The following FAM234B variants were observed in gnomAD, a reference collection of about 807,000 sequenced individuals.
The protein encoded by FAM234B is family with sequence similarity 234 member B.
A neutral mutation model predicts 69.3 loss-of-function variants in FAM234B; 33 were observed. That is an observed-to-expected ratio of 0.48 (90% CI 0.36 to 0.64). The LOEUF (loss-of-function observed/expected upper bound fraction) is 0.64. Ranked by LOEUF, FAM234B falls within the 30% of genes least tolerant of loss-of-function variation. The probability of loss-of-function intolerance (pLI) is 0.00; values close to 1 mark genes in which losing one functional copy is unlikely to be tolerated. For missense variants in FAM234B, 697 were observed against 769.7 expected, an observed-to-expected ratio of 0.91 and a Z score of 1.12; for synonymous variants, 306 against 306.9, an observed-to-expected ratio of 1.00 and a Z score of 0.03.
rs747405987 is a variant in FAM234B, at chr12:13,068,615, T to C, written c.1287-15T>C. On this transcript the variant is annotated splice_polypyrimidine_tract_variant and intron_variant, in intron 8 of 12. Coordinates refer to ENST00000197268, the MANE Select transcript of FAM234B (RefSeq NM_020853.2). ...CTTGTTCACTATTGATTGCTTACTT[T>C]GTCCTTATTTGCAGCCAGCCTACTC... The C allele has an allele frequency of 3.7e-6, 6 of 1,605,926 alleles. No homozygotes were observed. The highest frequency in any genetic ancestry group is 4.3e-6 in the Non-Finnish European group (5 of 1,173,572).
Position 13,068,456 on chromosome 12 carries a change from T to C in FAM234B, c.1286+9T>C. The C allele has an allele frequency of 6.2e-7, 1 of 1,613,452 alleles. No homozygotes were observed. Among genetic ancestry groups the C allele is most frequent in the Non-Finnish European group, 8.5e-7 (1 of 1,179,606 alleles). On this transcript the variant is annotated intron_variant, in intron 8 of 12. Transcript: ENST00000197268. ...CTTCAAGGCCTGCGCAGGTTTGCAT[T>C]GTGTTCCTTCTTGTGTTTGCTGTTT...
At position 13,046,297 on chromosome 12, in the gene FAM234B, C is replaced by A. The variant is rs562938094; in HGVS notation, c.37+1857C>A. Among the ~76,000 whole-genome samples the A allele has an allele frequency of 7.9e-5, 12 of 152,276 alleles. No individual in the cohort carries two copies. The South Asian group carries it at 2.5e-3, about 32-fold the overall frequency. ...TTCTTGCCCTTTCTTCTTCCCTCCA[C>A]CCAAAATACTATTTTTAGTTTTTGC... is the stretch of plus-strand genomic sequence containing the variant. On this transcript the variant is annotated intron_variant, in intron 1 of 12. Coordinates refer to ENST00000197268, the MANE Select transcript of FAM234B (RefSeq NM_020853.2).
intron 5 of FAM234B, among the ~76,000 whole-genome samples, chr12:13,064,807 A>T (rs148601119): frequency 0.012 from 1,798 of 152,252 alleles, 9 homozygotes; most frequent in Non-Finnish European, 0.019. Context: ...AGCTCCTGAG[A>T]TGGAAGACTC....
At chr12:13,062,824 A>C in intron 4 of FAM234B, 21 bp from the exon 5 acceptor site, 3 of 1,611,606 alleles carry the variant, frequency 1.9e-6, no homozygotes, top group Non-Finnish European at 2.5e-6. Context: ...CATAGTGACC[A>C]GCCTATGTGT....
At chr12:13,061,292 G>A (rs1219887032) in intron 3 of FAM234B, among the ~76,000 whole-genome samples, 2 of 152,216 alleles carry the variant, frequency 1.3e-5, no homozygotes, top group Non-Finnish European at 2.9e-5. Flanking sequence ...GGCCGAGGTG[G>A]CAGACATGTA....
intron 1 of FAM234B, among the ~76,000 whole-genome samples, chr12:13,046,946 A>G (rs1441741730): frequency 6.6e-6 from 1 of 152,216 alleles, no homozygotes; most frequent in Admixed American, 6.5e-5. Flanking sequence ...ATTCTACTAC[A>G]TATTTACCTC....
At chr12:13,056,530 G>A (rs1416672235) in intron 2 of FAM234B, among the ~76,000 whole-genome samples, 1 of 152,106 alleles carries the variant, frequency 6.6e-6, no homozygotes, top group African/African-American at 2.4e-5. Flanking sequence ...TCTCACCTGT[G>A]TTGAGTAGTC....
chr12:13,051,682 T>C (rs1202496609), intron 1 of FAM234B, among the ~76,000 whole-genome samples: 1 of 152,180 alleles, frequency 6.6e-6, no homozygotes, highest in East Asian at 1.9e-4. Flanking sequence ...CACAGACATA[T>C]CACATTGTGT....
chr12:13,070,096 A>AG (rs1432104114), intron 9 of FAM234B, among the ~76,000 whole-genome samples: 1 of 151,150 alleles, frequency 6.6e-6, no homozygotes, highest in East Asian at 1.9e-4. Flanking sequence ...TTTATAAAAC[A>AG]GGGGTAATAA....
intron 4 of FAM234B, 156 bp from the exon 5 acceptor site, chr12:13,062,689 C>T (rs1591598980): frequency 1.5e-6 from 1 of 655,684 alleles, no homozygotes; most frequent in Non-Finnish European, 2.6e-6. Flanking sequence ...GCTTCCTCCT[C>T]CTCAGTAAGA....
At chr12:13,063,792 G>A (rs1204310998) in intron 5 of FAM234B, among the ~76,000 whole-genome samples, 1 of 152,208 alleles carries the variant, frequency 6.6e-6, no homozygotes, top group Non-Finnish European at 1.5e-5. Flanking sequence ...CTTTTTCTCA[G>A]ACTTCCTAGT....
chr12:13,079,677 C>A, intron 11 of FAM234B, 112 bp from the exon 12 acceptor site: 1 of 705,228 alleles, frequency 1.4e-6, no homozygotes, highest in Non-Finnish European at 2.5e-6. Context: ...GTGCTCAGTA[C>A]ATTTCCTGTA....
intron 5 of FAM234B, among the ~76,000 whole-genome samples, chr12:13,066,139 G>C (rs4763925): frequency 0.24 from 37,111 of 152,102 alleles, 5,585 homozygotes; most frequent in East Asian, 0.53. Context: ...GCTGGCAAAG[G>C]CTAAAATATA....
chr12:13,051,274 G>T (rs904266358), intron 1 of FAM234B, among the ~76,000 whole-genome samples: 2 of 152,176 alleles, frequency 1.3e-5, no homozygotes, highest in Admixed American at 1.3e-4. Flanking sequence ...ATAGTACATA[G>T]CATGATAAAA....
rs1023872155 is a variant in FAM234B at position 13,067,658 on chromosome 12, C to T, written c.1142+362C>T. Among the ~76,000 whole-genome samples the T allele has an allele frequency of 3.3e-5, 5 of 152,170 alleles. No homozygotes were observed. Among genetic ancestry groups the T allele is most frequent in the Non-Finnish European group, 5.9e-5 (4 of 68,020 alleles). ...TTCTGTATTTTTCTCTTAGTTGAAGCATCATTTTGACAGAAGCAAGGATAG... is the reference window on the plus strand; with the variant it reads ...TTCTGTATTTTTCTCTTAGTTGAAGTATCATTTTGACAGAAGCAAGGATAG... On this transcript the variant is annotated intron_variant, in intron 7 of 12. Coordinates refer to ENST00000197268, the MANE Select transcript of FAM234B (RefSeq NM_020853.2). The surrounding 1 kb of genome is among the most constrained non-coding windows in gnomAD (Gnocchi z 4.7).
At chr12:13,065,659 A>G (rs1276097446) in intron 5 of FAM234B, among the ~76,000 whole-genome samples, 2 of 152,146 alleles carry the variant, frequency 1.3e-5, no homozygotes, top group East Asian at 3.9e-4. Context: ...AGTTTGTCAT[A>G]TGCCATATTA....
chr12:13,066,685 G>A lies in FAM234B; in HGVS notation c.898G>A (p.Val300Met), dbSNP rs758809691. Residue 300 changes from valine to methionine, a missense_variant, in exon 6 of 13, where the codon GTG becomes ATG. Physicochemically the swap from Val to Met is conservative, Grantham distance 21. Around this residue, in one of 3 missense-constraint regions of FAM234B, gnomAD observed 380 missense variants for 447.1 expected, o/e 0.85. Transcript: ENST00000197268. ...LLVSGRTGNP[V>M]GRPVKYNIVG... Reference sequence around the variant, plus strand: ...GGTGTCTGGCCGGACCGGAAATCCAGTGGGTCGACCTGTGAAGTACAACAT... The same window carrying A: ...GGTGTCTGGCCGGACCGGAAATCCAATGGGTCGACCTGTGAAGTACAACAT... 7.9e-5 allele frequency: 127 copies of A among 1,614,028 alleles called. No homozygotes were observed. The highest frequency in any genetic ancestry group is 1.6e-4 in the Middle Eastern group (1 of 6,062).
At chr12:13,051,689 G>A (rs1483754156) in intron 1 of FAM234B, among the ~76,000 whole-genome samples, 2 of 152,188 alleles carry the variant, frequency 1.3e-5, no homozygotes, top group African/African-American at 4.8e-5. Flanking sequence ...ATATCACATT[G>A]TGTCCAGAGG....
At chr12:13,050,740 A>T (rs1331818369) in intron 1 of FAM234B, among the ~76,000 whole-genome samples, 5 of 152,086 alleles carry the variant, frequency 3.3e-5, no homozygotes, top group African/African-American at 9.7e-5. Flanking sequence ...AATAATAATA[A>T]TATCTACCAT....
Sources: gnomAD v4.1 joint callset for allele counts (sites outside exome capture counted in the v4.1 genomes callset) on GRCh38, gnomAD v4.1.1 for gene constraint, gnomAD v4.1.1 regional missense constraint, Gnocchi (gnomAD v3.1) non-coding constraint, MANE v1.5 for transcripts, NCBI Gene and HGNC (gene_info 2026-07-23, HGNC 2026-07-21) for gene names.